Variants in HLTF observed in about 807,000 individuals in gnomAD.
The protein encoded by HLTF is DNA-dependent ATPase/E3 ubiquitin-protein ligase HLTF.
In HLTF, 127 loss-of-function variants were observed where a neutral mutation model predicts 129.4. That is an observed-to-expected ratio of 0.98 (90% CI 0.85 to 1.14). The LOEUF is 1.14. Ranked by LOEUF, HLTF falls within the 50% of genes most tolerant of loss-of-function variation. The probability of loss-of-function intolerance (pLI) is 0.00; values close to 1 mark genes in which losing one functional copy is unlikely to be tolerated. For missense variants in HLTF, 1,139 were observed against 1,187.1 expected (o/e 0.96, Z 0.60); for synonymous variants, 332 against 388.8 (o/e 0.85, Z 1.72).
In HLTF at chr3:149,071,327, G is replaced by A. The variant is rs1718838386; in HGVS notation, c.819C>T (p.Asn273=). Residue 273 remains asparagine (N), a synonymous_variant, in exon 7 of 25, where the codon AAC becomes AAT. Transcript: ENST00000310053. ...CCTTCTCAGAAAAATTTGTTATTGT[G>A]TTATAGTATAAGTCATTTCGCTGTT... The part of the protein sequence containing the change: ...FWEQRNDLYY[N]TITNFSEKDR... 1.2e-6 allele frequency: 2 copies of A among 1,612,564 alleles called. No individual in the cohort carries two copies. Among genetic ancestry groups the A allele is most frequent in the Non-Finnish European group, 1.7e-6 (2 of 1,178,810 alleles).
chr3:149,046,404 C>T (rs1321514934), intron 17 of HLTF, 145 bp from the exon 18 acceptor site: 2 of 517,526 alleles, frequency 3.9e-6, no homozygotes, highest in African/African-American at 4.0e-5. Flanking sequence ...GGATTTTAAC[C>T]AATCTGATAA....
chr3:149,041,629 CTTAT>C lies in HLTF; in HGVS notation c.2233_2236del (p.Ile745GlyfsTer3), dbSNP rs1716140659. ...TGAGCTCAGAATTAACTTCATCTTC[CTTAT>C]TAACTTCTTTCTCAGTTCTTCAGGT... On this transcript the variant is annotated frameshift_variant, in exon 20 of 25. Coordinates refer to ENST00000310053, the MANE Select transcript of HLTF (RefSeq NM_003071.4). LOFTEE classifies it high-confidence loss of function. 6.2e-7 allele frequency: 1 copy of C among 1,612,334 alleles called. No homozygotes were observed. The highest frequency in any genetic ancestry group is 1.3e-5 in the African/African-American group (1 of 74,844).
At chr3:149,082,090 G>A (rs1043384288) in intron 2 of HLTF, among the ~76,000 whole-genome samples, 10 of 152,204 alleles carry the variant, frequency 6.6e-5, no homozygotes, top group Non-Finnish European at 1.5e-4. Flanking sequence ...AAAAACGCCA[G>A]ACTTAAAATA....
At chr3:149,073,374 A>G (rs948474849) in intron 4 of HLTF, 52 bp from the exon 5 acceptor site, 7 of 1,284,036 alleles carry the variant, frequency 5.5e-6, no homozygotes, top group Admixed American at 3.7e-5. Context: ...GTAGGTTTTT[A>G]TCTTTTATTA....
intron 14 of HLTF, among the ~76,000 whole-genome samples, chr3:149,051,675 A>G (rs1303531919): frequency 2.6e-5 from 4 of 152,216 alleles, no homozygotes; most frequent in African/African-American, 9.7e-5. Flanking sequence ...AGCCTAGCCA[A>G]CATGGCGAAA....
intron 4 of HLTF, 101 bp from the exon 5 acceptor site, chr3:149,073,423 G>A (rs1719042866): frequency 7.4e-6 from 6 of 811,066 alleles, no homozygotes; most frequent in South Asian, 1.8e-5. Flanking sequence ...GCTGGGTGCT[G>A]TGGCTCATGC....
chr3:149,053,567 A>T (rs1222034423), intron 14 of HLTF, among the ~76,000 whole-genome samples: 1 of 151,726 alleles, frequency 6.6e-6, no homozygotes, highest in Non-Finnish European at 1.5e-5. Context: ...GCCAATTAAA[A>T]CTCTTAAATT....
chr3:149,043,708 T>C (rs1238671239), intron 18 of HLTF, among the ~76,000 whole-genome samples: 2 of 152,170 alleles, frequency 1.3e-5, no homozygotes, highest in Non-Finnish European at 2.9e-5. Context: ...AGAAGAAATA[T>C]AGCCTAACGG....
At chr3:149,068,151 A>G in intron 8 of HLTF, 89 bp downstream of exon 8, 1 of 602,566 alleles carries the variant, frequency 1.7e-6, no homozygotes, top group Non-Finnish European at 3.0e-6. Flanking sequence ...TGAAAACACA[A>G]TTTCTTGGTA....
intron 18 of HLTF, among the ~76,000 whole-genome samples, chr3:149,045,001 T>A (rs1716421593): frequency 6.6e-6 from 1 of 152,152 alleles, no homozygotes; most frequent in East Asian, 1.9e-4. Flanking sequence ...TAAATCAGAT[T>A]ACGTCCCTCT....
chr3:149,063,254 G>C (rs1272907608), intron 10 of HLTF, among the ~76,000 whole-genome samples, 177 bp downstream of exon 10: 1 of 152,048 alleles, frequency 6.6e-6, no homozygotes, highest in Non-Finnish European at 1.5e-5. Context: ...TAGAGACGGG[G>C]TTTCACTGTG....
chr3:149,042,531 C>G lies in HLTF; in HGVS notation c.2073-241G>C, dbSNP rs1716218336. Among the ~76,000 whole-genome samples, 4 of 152,086 alleles carry G rather than the reference C, an allele frequency of 2.6e-5. No individual in the cohort carries two copies. In the South Asian group the frequency reaches 8.3e-4, roughly 31 times the overall value. ...GATAGGAAGATGCTGAGAGGGATGA[C>G]TGCAGATCTCAAACAGAGCTGCCAA... On this transcript the variant is annotated intron_variant, in intron 18 of 24. Transcript: ENST00000310053.
intron 23 of HLTF, among the ~76,000 whole-genome samples, 159 bp downstream of exon 23, chr3:149,038,889 TC>T (rs1715872255): frequency 1.3e-5 from 2 of 152,232 alleles, no homozygotes; most frequent in Non-Finnish European, 1.5e-5. Flanking sequence ...AAGAGAAAGC[TC>T]TTAATCCACA....
At chr3:149,043,467 A>G (rs1340343463) in intron 18 of HLTF, among the ~76,000 whole-genome samples, 2 of 151,484 alleles carry the variant, frequency 1.3e-5, no homozygotes, top group African/African-American at 4.8e-5. Context: ...AGAAGGGGGG[A>G]AAAGCCTGGA....
At chr3:149,058,616 A>G (rs1001429648) in intron 13 of HLTF, among the ~76,000 whole-genome samples, 2 of 152,308 alleles carry the variant, frequency 1.3e-5, no homozygotes, top group South Asian at 2.1e-4. Context: ...CTTTTGATGC[A>G]TGGAAATTTA....
chr3:149,072,263 T>C (rs1718941502), intron 5 of HLTF, among the ~76,000 whole-genome samples: 1 of 152,188 alleles, frequency 6.6e-6, no homozygotes, highest in Non-Finnish European at 1.5e-5. Flanking sequence ...TATGTAAGTT[T>C]CAGCAAGACT....
intron 2 of HLTF, among the ~76,000 whole-genome samples, chr3:149,077,112 G>T (rs2108060340): frequency 6.6e-6 from 1 of 152,128 alleles, no homozygotes; most frequent in South Asian, 2.1e-4. Flanking sequence ...GCTGGGTGTG[G>T]TGGCACGCGC....
chr3:149,056,059 G>C (rs1717404832), intron 13 of HLTF, among the ~76,000 whole-genome samples: 1 of 152,164 alleles, frequency 6.6e-6, no homozygotes, highest in East Asian at 1.9e-4. Flanking sequence ...ACAACTATGT[G>C]AGTGAACTTG....
chr3:149,079,682 T>C (rs899053057), intron 2 of HLTF, among the ~76,000 whole-genome samples: 4 of 152,104 alleles, frequency 2.6e-5, no homozygotes, highest in Non-Finnish European at 5.9e-5. Context: ...AACCTCTGAC[T>C]CCCTAGTTCA....
Sources: gnomAD v4.1 joint callset for allele counts (sites outside exome capture counted in the v4.1 genomes callset) on GRCh38, gnomAD v4.1.1 for gene constraint, MANE v1.5 for transcripts, NCBI Gene and HGNC (gene_info 2026-07-23, HGNC 2026-07-21) for gene names.